The following C16orf96 variants were observed in gnomAD, a reference collection of about 807,000 sequenced individuals.
C16orf96 encodes the protein chromosome 16 open reading frame 96.
C16orf96 carries 108 observed loss-of-function variants against 103.6 expected under a neutral mutation model. That is an observed-to-expected ratio of 1.04 (90% CI 0.89 to 1.22). The LOEUF is 1.22. Among genes scored for constraint, C16orf96 ranks in the 50% most tolerant of loss-of-function variants. C16orf96 has a pLI of 0.00. For synonymous variants in C16orf96, 566 were observed against 593.5 expected (o/e 0.95, Z 0.67); for missense variants, 1,586 against 1,464.2 (o/e 1.08, Z -1.36).
chr16:4,561,238 C>G (rs972260522), intron 1 of C16orf96: 12 of 151,718 alleles, frequency 7.9e-5, no homozygotes, highest in African/African-American at 2.9e-4. Context: ...ACCCAGGAGG[C>G]AGAATTTGCA....
chr16:4,575,265 C>G lies in C16orf96; in HGVS notation c.785C>G (p.Thr262Ser). Residue 262 changes from threonine (T) to serine (S), a missense_variant, in exon 5 of 16, where the codon ACT becomes AGT. Thr to Ser is a moderately conservative substitution (Grantham distance 58). Transcript: ENST00000444310. ...CAGACCACCAAGTACCTTGAAGCTA[C>G]TCGTGCCATCCAGGTCTCCGAGCCC... is the stretch of plus-strand genomic sequence containing the variant. ...LAQTTKYLEATRAIQVSEPVQ... is the reference protein window; with the variant it reads ...LAQTTKYLEASRAIQVSEPVQ... 6.5e-7 allele frequency: 1 copy of G among 1,550,244 alleles called. No homozygotes were observed. The highest frequency in any genetic ancestry group is 8.7e-7 in the Non-Finnish European group (1 of 1,146,976).
At chr16:4,562,918 C>T (rs2039480488) in intron 1 of C16orf96, 2 of 1,417,900 alleles carry the variant, frequency 1.4e-6, no homozygotes, top group Admixed American at 3.5e-5. Context: ...ATTTCACCTT[C>T]AGGATCCATC....
chr16:4,583,330 A>G (rs1162415070), intron 7 of C16orf96, among the ~76,000 whole-genome samples: 1 of 151,890 alleles, frequency 6.6e-6, no homozygotes, highest in African/African-American at 2.4e-5. Flanking sequence ...GCAAGGCCCC[A>G]TCGCTAAAAA....
intron 1 of C16orf96, among the ~76,000 whole-genome samples, chr16:4,557,658 A>G (rs2059280489): frequency 6.6e-6 from 1 of 152,100 alleles, no homozygotes; most frequent in South Asian, 2.1e-4. Context: ...CTAATTGTAC[A>G]TTATGTGAAT....
intron 11 of C16orf96, among the ~76,000 whole-genome samples, chr16:4,592,947 TCATA>T (rs1897092497): frequency 6.6e-6 from 1 of 152,198 alleles, no homozygotes; most frequent in Non-Finnish European, 1.5e-5. Flanking sequence ...AGTGCTGGGA[TCATA>T]GGTGTATGCC....
intron 1 of C16orf96, among the ~76,000 whole-genome samples, chr16:4,565,193 G>C (rs1187258135): frequency 6.6e-6 from 1 of 152,100 alleles, no homozygotes; most frequent in African/African-American, 2.4e-5. Flanking sequence ...GAGCAGGTTT[G>C]GACAAGCCCT....
At chr16:4,567,855 A>G (rs955672993) in intron 1 of C16orf96, among the ~76,000 whole-genome samples, 4 of 148,602 alleles carry the variant, frequency 2.7e-5, no homozygotes, top group African/African-American at 9.9e-5. Flanking sequence ...GCACCACCAC[A>G]CCCAGCTAAT....
At position 4,556,682 on chromosome 16, in the gene C16orf96, G is replaced by A. The variant is rs528955781; in HGVS notation, c.193G>A (p.Gly65Arg). Residue 65 changes from glycine to arginine, a missense_variant, in exon 1 of 16, where the codon GGA (glycine) becomes AGA (arginine). By Grantham distance (125) the Gly-to-Arg change is moderately radical. Transcript: ENST00000444310. ...GCAGGTGGTCATCATGCCCAGGGAAGGAGACGCCCAGCCTATCCTCAACCC... is the reference window on the plus strand; with the variant it reads ...GCAGGTGGTCATCATGCCCAGGGAAAGAGACGCCCAGCCTATCCTCAACCC... ...TSQVVIMPRE[G>R]DAQPILNPMK... 3 of 1,551,498 alleles carry A rather than the reference G, an allele frequency of 1.9e-6. No homozygotes were observed. Among genetic ancestry groups the A allele is most frequent in the Admixed American group, 2.0e-5 (1 of 51,000 alleles).
At chr16:4,549,615 T>C in the C16orf96 span, among the ~76,000 whole-genome samples, 192 of 151,216 alleles carry the variant, frequency 1.3e-3, no homozygotes, top group African/African-American at 4.6e-3. Flanking sequence ...CTGGCCAACA[T>C]AGGGAAACCC....
chr16:4,574,878 G>A lies in C16orf96; in HGVS notation c.606+89G>A, dbSNP rs531755391. 9.4e-5 allele frequency: 143 copies of A among 1,523,542 alleles called. No individual in the cohort carries two copies. The African/African-American group carries it at 1.7e-3, about 18-fold the overall frequency. The allele number at this position is 1,523,542 out of a possible 1,614,324, so 94.4% of individuals were successfully genotyped here. On this transcript the variant is annotated intron_variant, in intron 3 of 15. Transcript: ENST00000444310. ...GGTGCTGAGGGTAGGGAGGTGCAAG[G>A]AGGAGAACACAGCCTGGAAAGGTTT...
intron 2 of C16orf96, among the ~76,000 whole-genome samples, chr16:4,573,343 G>A (rs2059460174): frequency 6.6e-6 from 1 of 151,172 alleles, no homozygotes; most frequent in African/African-American, 2.4e-5. Context: ...GGAGGCTGAG[G>A]CACGAGAATC....
chr16:4,594,669 G>T, intron 13 of C16orf96, 35 bp from the exon 14 acceptor site: 1 of 1,549,544 alleles, frequency 6.5e-7, no homozygotes, highest in Non-Finnish European at 8.7e-7. Flanking sequence ...ATCGGGTCGG[G>T]GGCTCCCTAA....
At chr16:4,599,453 C>A in intron 15 of C16orf96, 89 bp downstream of exon 15, 1 of 1,118,844 alleles carries the variant, frequency 8.9e-7, no homozygotes, top group Non-Finnish European at 1.3e-6. Context: ...CCACACCCCG[C>A]CTGGGCTCTC....
upstream of C16orf96, among the ~76,000 whole-genome samples, chr16:4,552,952 G>A (rs527753388): frequency 1.3e-5 from 2 of 151,910 alleles, no homozygotes; most frequent in Non-Finnish European, 2.9e-5. Flanking sequence ...CAGCTCCTTC[G>A]GAGCTATCAT....
chr16:4,570,096 C>T (rs2059421416), intron 1 of C16orf96, among the ~76,000 whole-genome samples: 1 of 122,682 alleles, frequency 8.2e-6, no homozygotes, highest in Admixed American at 9.1e-5. Context: ...TGCCCCTTCC[C>T]CAAGCTAGAA....
chr16:4,547,270 A>C, the C16orf96 span, among the ~76,000 whole-genome samples: 1 of 152,090 alleles, frequency 6.6e-6, no homozygotes, highest in Non-Finnish European at 1.5e-5. Context: ...AAGTAGCTGG[A>C]ATTACAGGTG....
At chr16:4,565,360 C>T (rs904839237) in intron 1 of C16orf96, among the ~76,000 whole-genome samples, 2 of 152,170 alleles carry the variant, frequency 1.3e-5, no homozygotes, top group African/African-American at 2.4e-5. Context: ...CTCTCCTGCC[C>T]CTTCTTCCCC....
intron 1 of C16orf96, among the ~76,000 whole-genome samples, chr16:4,559,443 C>G (rs990215347): frequency 2.0e-5 from 3 of 151,896 alleles, no homozygotes; most frequent in Admixed American, 2.0e-4. Flanking sequence ...CCCAGCTACT[C>G]AGGAGGCTGA....
chr16:4,546,332 G>A, the C16orf96 span, among the ~76,000 whole-genome samples: 4 of 151,634 alleles, frequency 2.6e-5, no homozygotes, highest in African/African-American at 7.3e-5. Flanking sequence ...CTAATTTTTT[G>A]TGTTTTTAGT....
Sources: gnomAD v4.1 joint callset for allele counts (sites outside exome capture counted in the v4.1 genomes callset) on GRCh38, gnomAD v4.1.1 for gene constraint, MANE v1.5 for transcripts, NCBI Gene and HGNC (gene_info 2026-07-23, HGNC 2026-07-21) for gene names.